SND1: variants seen among roughly 807,000 people sequenced by gnomAD.
SND1 encodes the protein staphylococcal nuclease domain-containing protein 1.
A neutral mutation model predicts 121.7 loss-of-function variants in SND1; 38 were observed. The ratio of observed to expected loss-of-function variants is 0.31; its 90% CI spans 0.24 to 0.41. SND1 has a LOEUF of 0.41. Among genes scored for constraint, SND1 ranks in the 10% least tolerant of loss-of-function variants. SND1 has a pLI of 1.00. For missense variants in SND1, 868 were observed against 1,184.6 expected, an observed-to-expected ratio of 0.73 and a Z score of 3.92; for synonymous variants, 401 against 447.4, an observed-to-expected ratio of 0.90 and a Z score of 1.31.
intron 10 of SND1, among the ~76,000 whole-genome samples, chr7:127,735,568 CTTTAA>C (rs1796760764): frequency 6.6e-6 from 1 of 151,926 alleles, no homozygotes; most frequent in Non-Finnish European, 1.5e-5. Context: ...AAAAATATAC[CTTTAA>C]TTTAAAAAAA....
chr7:127,844,773 A>G (rs1052405481), intron 12 of SND1, among the ~76,000 whole-genome samples: 1 of 152,218 alleles, frequency 6.6e-6, no homozygotes, highest in African/African-American at 2.4e-5. Context: ...AAGTCTAGGT[A>G]TAGAATAGCA....
At chr7:127,823,746 CT>C (rs11341770) in intron 11 of SND1, among the ~76,000 whole-genome samples, 45,735 of 150,546 alleles carry the variant, frequency 0.3, 7,574 homozygotes, top group African/African-American at 0.45. Flanking sequence ...ACAAACTGTT[CT>C]TTTTTTTTTC....
chr7:128,036,519 G>C (rs1350026489), intron 16 of SND1, among the ~76,000 whole-genome samples: 2 of 152,180 alleles, frequency 1.3e-5, no homozygotes, highest in Admixed American at 1.3e-4. Context: ...GAAGGGAGTG[G>C]ACAATAAAGG....
intron 12 of SND1, among the ~76,000 whole-genome samples, chr7:127,872,568 T>A (rs1799612426): frequency 6.6e-6 from 1 of 152,022 alleles, no homozygotes; most frequent in Non-Finnish European, 1.5e-5. Flanking sequence ...AGGATTTTTT[T>A]TTCCTGTTAA....
intron 16 of SND1, among the ~76,000 whole-genome samples, chr7:128,017,449 C>CAGGCTCCATGTGT (rs1803249787): frequency 6.6e-6 from 1 of 152,218 alleles, no homozygotes; most frequent in Non-Finnish European, 1.5e-5. Flanking sequence ...GGCCACCTCT[C>CAGGCTCCATGTGT]AGGCTCCATG....
chr7:127,943,718 A>G (rs1584684548), intron 15 of SND1, among the ~76,000 whole-genome samples: 1 of 152,168 alleles, frequency 6.6e-6, no homozygotes, highest in Non-Finnish European at 1.5e-5. Flanking sequence ...GTGCAATCAG[A>G]TGAAGGTGCA....
intron 16 of SND1, among the ~76,000 whole-genome samples, chr7:128,033,098 C>G (rs1792680048): frequency 6.6e-6 from 1 of 152,208 alleles, no homozygotes; most frequent in Non-Finnish European, 1.5e-5. Context: ...GCTGAGCCCC[C>G]TGCCCTGTGA....
Position 127,694,864 on chromosome 7 carries a change from A to G in SND1, c.265A>G (p.Lys89Glu). ...AFPAREFLRK[K>E]LIGKEVCFTI... Reference sequence around the variant, plus strand: ...TCCAGCTCGAGAGTTCCTTCGAAAGAAGCTGATTGGGAAGGAAGTCTGTTT... The same window carrying G: ...TCCAGCTCGAGAGTTCCTTCGAAAGGAGCTGATTGGGAAGGAAGTCTGTTT... The change falls in exon 3 of 24, where the codon AAG (lysine) becomes GAG (glutamate). Residue 89 changes from lysine (K) to glutamate (E), a missense_variant. Coordinates refer to ENST00000354725, the MANE Select transcript of SND1 (RefSeq NM_014390.4). The G allele has an allele frequency of 6.2e-7, 1 of 1,614,006 alleles. No homozygotes were observed. The highest frequency in any genetic ancestry group is 8.5e-7 in the Non-Finnish European group (1 of 1,179,916).
At chr7:127,916,955 A>C (rs1290788109) in intron 14 of SND1, among the ~76,000 whole-genome samples, 4 of 152,200 alleles carry the variant, frequency 2.6e-5, no homozygotes, top group Non-Finnish European at 5.9e-5. Flanking sequence ...GCGTCTATGT[A>C]GTTTTGAATG....
At chr7:127,701,428 AT>A in intron 5 of SND1, 105 bp downstream of exon 5, 1 of 1,178,340 alleles carries the variant, frequency 8.5e-7, no homozygotes, top group Non-Finnish European at 1.2e-6. Context: ...TCTTATACTT[AT>A]TTAGTATCCA....
chr7:127,881,000 C>A (rs1799779429), intron 12 of SND1, among the ~76,000 whole-genome samples: 1 of 152,122 alleles, frequency 6.6e-6, no homozygotes, highest in Non-Finnish European at 1.5e-5. Context: ...AGATGTACCA[C>A]TGCAGTATAA....
chr7:128,061,760 C>T (rs1793234353), intron 16 of SND1, among the ~76,000 whole-genome samples: 1 of 152,266 alleles, frequency 6.6e-6, no homozygotes, highest in South Asian at 2.1e-4. Flanking sequence ...ATCCTTATTT[C>T]ACGTGTATGT....
At chr7:128,073,033 G>A (rs550084085) in intron 16 of SND1, among the ~76,000 whole-genome samples, 30 of 152,296 alleles carry the variant, frequency 2.0e-4, no homozygotes, top group Non-Finnish European at 3.1e-4. Flanking sequence ...AGGGTCCCAC[G>A]GTCCTGGATG....
At chr7:127,811,776 TATAAA>T (rs1276678641) in intron 11 of SND1, among the ~76,000 whole-genome samples, 6 of 152,234 alleles carry the variant, frequency 3.9e-5, no homozygotes, top group African/African-American at 1.4e-4. Context: ...GACTTGTTTC[TATAAA>T]ATAAAATAAA....
intron 15 of SND1, among the ~76,000 whole-genome samples, chr7:127,951,470 A>T (rs1801461352): frequency 6.6e-6 from 1 of 152,224 alleles, no homozygotes; most frequent in Admixed American, 6.5e-5. Flanking sequence ...AATTTCAGTT[A>T]TGTGAGACAA....
In SND1 at chr7:127,731,822, T is replaced by C. The variant is rs554395537; in HGVS notation, c.1152+10422T>C. Among the ~76,000 whole-genome samples the C allele has an allele frequency of 7.2e-5, 11 of 152,352 alleles. No homozygotes were observed. In the South Asian group the frequency reaches 2.3e-3, roughly 32 times the overall value. Reference sequence around the variant, plus strand: ...TCACTGGGGCTCTGCTGGAGAGATATGTCTCAATCCTAAAAGATACAAATT... The same window carrying C: ...TCACTGGGGCTCTGCTGGAGAGATACGTCTCAATCCTAAAAGATACAAATT... On this transcript the variant is annotated intron_variant, in intron 10 of 23. Transcript: ENST00000354725.
At chr7:127,919,491 G>A (rs1007270560) in intron 14 of SND1, among the ~76,000 whole-genome samples, 1 of 152,140 alleles carries the variant, frequency 6.6e-6, no homozygotes, top group Non-Finnish European at 1.5e-5. Context: ...GACTTTGGAA[G>A]TGATAAAAAT....
chr7:128,044,557 CA>C (rs1256138225), intron 16 of SND1, among the ~76,000 whole-genome samples: 2 of 151,814 alleles, frequency 1.3e-5, no homozygotes, highest in Non-Finnish European at 2.9e-5. Flanking sequence ...ATTGTTTTTA[CA>C]ATAAAGAAAA....
intron 11 of SND1, among the ~76,000 whole-genome samples, chr7:127,812,368 G>T (rs1023841212): frequency 6.6e-6 from 1 of 152,202 alleles, no homozygotes; most frequent in South Asian, 2.1e-4. Flanking sequence ...TAGTCTTTGA[G>T]ATGTCCCTGT....
Sources: allele counts gnomAD v4.1 joint callset (sites outside exome capture counted in the v4.1 genomes callset), GRCh38; gene constraint gnomAD v4.1.1; transcripts MANE v1.5; gene names NCBI Gene and HGNC (gene_info 2026-07-23, HGNC 2026-07-21).